RSPH3: variants seen among roughly 807,000 people sequenced by gnomAD.
The protein encoded by RSPH3 is radial spoke head 3, also known as radial spoke head protein 3 homolog.
Under a neutral mutation model 43.8 loss-of-function variants are expected in RSPH3, and 21 were observed. That is an observed-to-expected ratio of 0.48 (90% confidence interval 0.34 to 0.69). The LOEUF (loss-of-function observed/expected upper bound fraction) is 0.69. Among genes scored for constraint, RSPH3 ranks in the 30% least tolerant of loss-of-function variants. RSPH3 has a pLI of 0.01. For missense variants in RSPH3, 487 were observed against 516.0 expected (o/e 0.94, Z 0.54); for synonymous variants, 173 against 179.8 (o/e 0.96, Z 0.30).
chr6:158,978,481 A>T (rs111624763), intron 6 of RSPH3, 135 bp from the exon 7 acceptor site: 10,638 of 577,928 alleles, frequency 0.018, 131 homozygotes, highest in Middle Eastern at 0.023. Flanking sequence ...AACTTTTGCC[A>T]TATTCCTTAT....
At chr6:158,993,452 A>G (rs1209270863) in intron 2 of RSPH3, among the ~76,000 whole-genome samples, 1 of 134,832 alleles carries the variant, frequency 7.4e-6, no homozygotes. Context: ...TTTTTTAGCT[A>G]ATTCTTTTTT....
chr6:158,986,144 C>G, intron 3 of RSPH3, 136 bp downstream of exon 3: 1 of 859,956 alleles, frequency 1.2e-6, no homozygotes, highest in Non-Finnish European at 1.8e-6. Flanking sequence ...AATAAAGGAA[C>G]TTCCCTACCA....
chr6:158,995,898 C>T (rs1212226009), intron 1 of RSPH3, among the ~76,000 whole-genome samples: 1 of 152,134 alleles, frequency 6.6e-6, no homozygotes, highest in Non-Finnish European at 1.5e-5. Context: ...CGTGCCCATC[C>T]TTCTTCTTTT....
chr6:158,987,750 A>G (rs1180859641), intron 2 of RSPH3, among the ~76,000 whole-genome samples: 2 of 152,166 alleles, frequency 1.3e-5, no homozygotes, highest in Non-Finnish European at 2.9e-5. Flanking sequence ...AAAAAATTCT[A>G]CACTTTAACT....
chr6:158,996,520 A>C, intron 1 of RSPH3, among the ~76,000 whole-genome samples: 1 of 152,236 alleles, frequency 6.6e-6, no homozygotes, highest in East Asian at 1.9e-4. Flanking sequence ...CTCATACCTA[A>C]GTAAAACTTC....
intron 1 of RSPH3, among the ~76,000 whole-genome samples, chr6:158,994,866 A>G (rs1778540197): frequency 6.6e-6 from 1 of 152,072 alleles, no homozygotes; most frequent in African/African-American, 2.4e-5. Context: ...TTTTTTTCAT[A>G]TATTGAAGCC....
the RSPH3 span, among the ~76,000 whole-genome samples, chr6:158,967,773 G>A: frequency 6.6e-6 from 1 of 152,118 alleles, no homozygotes; most frequent in African/African-American, 2.4e-5. Flanking sequence ...AGGTGCATAT[G>A]TGTTTATAAT....
Position 158,980,813 on chromosome 6 carries a change from G to A in RSPH3, c.820C>T (p.Leu274Phe). 1 of 1,614,062 alleles carries A rather than the reference G, an allele frequency of 6.2e-7. No individual in the cohort carries two copies. Among genetic ancestry groups the A allele is most frequent in the South Asian group, 1.1e-5 (1 of 91,082 alleles). ...ADLLPSVFGS[L>F]RDSGYFYDPI... is the part of the protein sequence containing the mutation. ...TCATAAAAGTAGCCACTATCCCTGA[G>A]GCTGCCAAAAACAGACGGGAGAAGG... Residue 274 changes from leucine (L) to phenylalanine (F), a missense_variant, in exon 6 of 8, where the codon CTC becomes TTC. Coordinates refer to ENST00000367069, the MANE Select transcript of RSPH3 (RefSeq NM_031924.8).
At chr6:158,980,132 C>A (rs1272413710) in intron 6 of RSPH3, among the ~76,000 whole-genome samples, 1 of 152,176 alleles carries the variant, frequency 6.6e-6, no homozygotes, top group African/African-American at 2.4e-5. Flanking sequence ...TGACTTAACT[C>A]CTAAATAATT....
chr6:158,979,894 G>A (rs1777975242), intron 6 of RSPH3, among the ~76,000 whole-genome samples: 1 of 152,180 alleles, frequency 6.6e-6, no homozygotes. Context: ...GATACAGACA[G>A]ACAGCTATCA....
In RSPH3 at chr6:159,000,095, C is replaced by G; in HGVS notation, c.-545G>C. 1 of 1,100,918 alleles carries G rather than the reference C, an allele frequency of 9.1e-7. No individual in the cohort carries two copies. The highest frequency in any genetic ancestry group is 1.3e-6 in the Non-Finnish European group (1 of 794,990). The allele number at this position is 1,100,918 out of a possible 1,614,324, so 68.2% of individuals were successfully genotyped here. ...CGTGCTCCTGCTCTTCCAGGGTGTC[C>G]TCGGCTGTTTCTCCTGCCGCGGCGC... is the stretch of plus-strand genomic sequence containing the variant. On this transcript the variant is annotated 5_prime_UTR_variant, in exon 1 of 8. Transcript: ENST00000367069.
chr6:158,992,897 GA>G (rs1778464185), intron 2 of RSPH3, among the ~76,000 whole-genome samples: 1 of 152,140 alleles, frequency 6.6e-6, no homozygotes, highest in African/African-American at 2.4e-5. Flanking sequence ...GTGAATTAAA[GA>G]AGCAGAATTC....
At chr6:158,994,215 C>G (rs1365542348) in intron 1 of RSPH3, among the ~76,000 whole-genome samples, 1 of 152,138 alleles carries the variant, frequency 6.6e-6, no homozygotes, top group African/African-American at 2.4e-5. Flanking sequence ...TGCCAAAGGT[C>G]ACCTTGCTAG....
chr6:158,983,888 C>T (rs1778121491), intron 3 of RSPH3, 81 bp from the exon 4 acceptor site: 5 of 1,002,248 alleles, frequency 5.0e-6, no homozygotes, highest in Middle Eastern at 2.6e-4. Context: ...AATCCCAGCA[C>T]TTTGGGAGGC....
chr6:158,989,030 G>A lies in RSPH3; in HGVS notation c.205-2609C>T, dbSNP rs1778321871. On this transcript the variant is annotated intron_variant, in intron 2 of 7. Coordinates refer to ENST00000367069, the MANE Select transcript of RSPH3 (RefSeq NM_031924.8). This position sits in a 1 kb window ranked among gnomAD's most constrained non-coding sequence, Gnocchi z 4.3. The stretch of plus-strand genomic sequence containing the variant: ...GTCTGGCTTGTTTTGCTTTTTATTG[G>A]ATATATTTTCTTAGAGTTTTTTTTT... Among the ~76,000 whole-genome samples the A allele has an allele frequency of 6.6e-6, 1 of 151,784 alleles. No homozygotes were observed. Among genetic ancestry groups the A allele is most frequent in the Non-Finnish European group, 1.5e-5 (1 of 67,932 alleles).
chr6:158,993,842 T>A lies in RSPH3; in HGVS notation c.201A>T (p.Pro67=). The A allele has an allele frequency of 1.3e-6, 2 of 1,582,230 alleles. No individual in the cohort carries two copies. The highest frequency in any genetic ancestry group is 1.7e-6 in the Non-Finnish European group (2 of 1,151,466). The stretch of plus-strand genomic sequence containing the variant: ...AGACTATTCAAACTGAACTTACCAG[T>A]GGCCCTGTCTGGAGTGCATAAGTGT... ...RGNTYALQTG[P]LLGRPDSLEL... is the part of the protein sequence containing the mutation. Residue 67 remains proline, a synonymous_variant, in exon 2 of 8, where the codon CCA becomes CCT. Coordinates refer to ENST00000367069, the MANE Select transcript of RSPH3 (RefSeq NM_031924.8).
downstream of RSPH3, among the ~76,000 whole-genome samples, chr6:158,969,773 C>A (rs1021182306): frequency 6.6e-6 from 1 of 152,188 alleles, no homozygotes; most frequent in Non-Finnish European, 1.5e-5. Context: ...TCTGCCAGAT[C>A]AAATTTGCTA....
chr6:158,983,236 T>G (rs529687363), intron 4 of RSPH3, among the ~76,000 whole-genome samples: 2 of 152,092 alleles, frequency 1.3e-5, no homozygotes, highest in African/African-American at 4.8e-5. Context: ...TCCACACTGA[T>G]AGAAAAATGT....
In RSPH3 at chr6:158,983,646, A is replaced by T. The variant is rs762376584; in HGVS notation, c.492+16T>A. 1 of 1,604,134 alleles carries T rather than the reference A, an allele frequency of 6.2e-7. No individual in the cohort carries two copies. Among genetic ancestry groups the T allele is most frequent in the Non-Finnish European group, 8.5e-7 (1 of 1,170,942 alleles). ...TTATAAAGATTATAGAGGGAAGCCC[A>T]AAGGATGTACTGTACCTCTCCTTCT... On this transcript the variant is annotated intron_variant, in intron 4 of 7. Transcript: ENST00000367069.
Sources: gnomAD v4.1 joint callset for allele counts (sites outside exome capture counted in the v4.1 genomes callset) on GRCh38, gnomAD v4.1.1 for gene constraint, Gnocchi (gnomAD v3.1) non-coding constraint, MANE v1.5 for transcripts, NCBI Gene and HGNC (gene_info 2026-07-23, HGNC 2026-07-21) for gene names.